RPRD1B: variants seen among roughly 807,000 people sequenced by gnomAD.
The protein encoded by RPRD1B is regulation of nuclear pre-mRNA domain containing 1B.
In RPRD1B, 11 loss-of-function variants were observed where a neutral mutation model predicts 41.5. The observed-to-expected ratio is 0.27, with a 90% CI of 0.17 to 0.44. The LOEUF (loss-of-function observed/expected upper bound fraction) is 0.44. RPRD1B is among the 20% of genes least tolerant of loss of function. The pLI is 1.00. For missense variants in RPRD1B, 248 were observed against 389.9 expected (o/e 0.64, Z 3.06); for synonymous variants, 158 against 155.6 (o/e 1.02, Z -0.12).
At chr20:38,066,392 A>G in intron 6 of RPRD1B, 136 bp downstream of exon 6, 1 of 829,230 alleles carries the variant, frequency 1.2e-6, no homozygotes, top group Non-Finnish European at 1.8e-6. Context: ...AACATCCATC[A>G]GATACTGTAA....
In RPRD1B at chr20:38,091,922, CTT is replaced by C. The variant is rs2074615185; in HGVS notation, c.*2048_*2049del. On this transcript the variant is annotated 3_prime_UTR_variant, in exon 7 of 7. Coordinates refer to ENST00000373433, the MANE Select transcript of RPRD1B (RefSeq NM_021215.4). ...ATTATGTAAATGAATGTGTTGGCCT[CTT>C]AATACCTGTTACTAGTGGACTTCCT... The C allele has an allele frequency of 6.1e-6, 6 of 985,746 alleles. No homozygotes were observed. Among genetic ancestry groups the C allele is most frequent in the Non-Finnish European group, 7.2e-6 (6 of 829,936 alleles). The allele number at this position is 985,746 out of a possible 1,614,324, so 61.1% of individuals were successfully genotyped here. A position where few individuals can be genotyped will look rare whatever the true frequency, so the allele number is the denominator to read the frequency against.
intron 6 of RPRD1B, among the ~76,000 whole-genome samples, chr20:38,069,683 AG>A (rs2074392638): frequency 6.6e-6 from 1 of 152,222 alleles, no homozygotes; most frequent in African/African-American, 2.4e-5. Context: ...TGCTCTAGTC[AG>A]GGGGAAATAG....
intron 6 of RPRD1B, among the ~76,000 whole-genome samples, chr20:38,067,211 G>A (rs1198623835): frequency 1.3e-5 from 2 of 152,168 alleles, no homozygotes; most frequent in African/African-American, 4.8e-5. Context: ...CTCAGTACTT[G>A]CTCCCGTGGG....
chr20:38,059,652 G>C, intron 5 of RPRD1B, 132 bp downstream of exon 5: 2 of 830,618 alleles, frequency 2.4e-6, no homozygotes, highest in Non-Finnish European at 3.5e-6. Context: ...ACCATCTTGG[G>C]ATTTGCAAAC....
chr20:38,089,231 A>G (rs1295039104), intron 6 of RPRD1B, among the ~76,000 whole-genome samples: 1 of 152,154 alleles, frequency 6.6e-6, no homozygotes, highest in African/African-American at 2.4e-5. Context: ...GGTCACAGGG[A>G]GTAGCAGTGG....
At chr20:38,039,945 G>A (rs772395084) in intron 1 of RPRD1B, among the ~76,000 whole-genome samples, 4 of 151,926 alleles carry the variant, frequency 2.6e-5, no homozygotes, top group Admixed American at 6.6e-5. Flanking sequence ...TGTTGGCCAG[G>A]CTGGTCTCAA....
chr20:38,090,719 T>G lies in RPRD1B; in HGVS notation c.*844T>G. Reference sequence around the variant, plus strand: ...GCAGGCATTGGTGGGCTCCAAAAGATGAAGGCCCCACACACAGGTGTGCTG... The same window carrying G: ...GCAGGCATTGGTGGGCTCCAAAAGAGGAAGGCCCCACACACAGGTGTGCTG... On this transcript the variant is annotated 3_prime_UTR_variant, in exon 7 of 7. Coordinates refer to ENST00000373433, the MANE Select transcript of RPRD1B (RefSeq NM_021215.4). The G allele has an allele frequency of 1.0e-6, 1 of 985,530 alleles. No individual in the cohort carries two copies. Among genetic ancestry groups the G allele is most frequent in the Non-Finnish European group, 1.2e-6 (1 of 829,984 alleles). 61.0% of individuals were successfully genotyped at this position (985,530 alleles called of 1,614,324 possible). A position where few individuals can be genotyped will look rare whatever the true frequency, so the allele number is the denominator to read the frequency against.
In RPRD1B at chr20:38,091,004, A is replaced by C; in HGVS notation, c.*1129A>C. On this transcript the variant is annotated 3_prime_UTR_variant, in exon 7 of 7. Transcript: ENST00000373433. ...GGGGAAGCGGGGAGTTGGGGATATT[A>C]ATTGGGGGTTTTAATTCTATTATCA... is the stretch of plus-strand genomic sequence containing the variant. 2.0e-6 allele frequency: 2 copies of C among 985,566 alleles called. No individual in the cohort carries two copies. The highest frequency in any genetic ancestry group is 2.4e-6 in the Non-Finnish European group (2 of 829,908). 61.1% of individuals were successfully genotyped at this position (985,566 alleles called of 1,614,324 possible).
chr20:38,089,982 G>T lies in RPRD1B; in HGVS notation c.*107G>T. The T allele has an allele frequency of 6.7e-7, 1 of 1,491,674 alleles. No individual in the cohort carries two copies. Among genetic ancestry groups the T allele is most frequent in the South Asian group, 1.4e-5 (1 of 71,666 alleles). The allele number at this position is 1,491,674 out of a possible 1,614,324, so 92.4% of individuals were successfully genotyped here. A position where few individuals can be genotyped will look rare whatever the true frequency, so the allele number is the denominator to read the frequency against. On this transcript the variant is annotated 3_prime_UTR_variant, in exon 7 of 7. Coordinates refer to ENST00000373433, the MANE Select transcript of RPRD1B (RefSeq NM_021215.4). ...CTGGTTCTATCCCTTCTTCCGCCCA[G>T]CCCCCCAGCCTCAAGAAAGAACCTC...
chr20:38,044,911 C>T (rs1568644801), intron 2 of RPRD1B, among the ~76,000 whole-genome samples: 1 of 151,886 alleles, frequency 6.6e-6, no homozygotes, highest in African/African-American at 2.4e-5. Flanking sequence ...CATAGGCCTG[C>T]TGTGCATGAG....
At position 38,059,269 on chromosome 20, in the gene RPRD1B, G is replaced by GT. The variant is rs567431013; in HGVS notation, c.529-117dup. 647 of 1,033,100 alleles carry GT rather than the reference G, an allele frequency of 6.3e-4. 8 individuals are homozygous for GT. In the South Asian group the frequency reaches 9.1e-3, roughly 15 times the overall value. 64.0% of individuals were successfully genotyped at this position (1,033,100 alleles called of 1,614,324 possible). ...CATGTAAGCTCTGGGGCTAAGAACA[G>GT]TTTTTTTTAAGAAATGGCAGGAATG... On this transcript the variant is annotated intron_variant, in intron 4 of 6. Coordinates refer to ENST00000373433, the MANE Select transcript of RPRD1B (RefSeq NM_021215.4).
intron 6 of RPRD1B, among the ~76,000 whole-genome samples, chr20:38,071,720 C>T (rs977135102): frequency 8.5e-5 from 13 of 152,150 alleles, no homozygotes; most frequent in Non-Finnish European, 1.2e-4. Context: ...TCTTTATTTT[C>T]GACAACCTAC....
chr20:38,070,171 T>C (rs2074397614), intron 6 of RPRD1B: 1 of 983,864 alleles, frequency 1.0e-6, no homozygotes, highest in African/African-American at 1.7e-5. Flanking sequence ...GAATTATGCT[T>C]TATTCTGAGA....
intron 6 of RPRD1B, among the ~76,000 whole-genome samples, chr20:38,081,566 T>A (rs141911040): frequency 1.2e-3 from 179 of 152,298 alleles, no homozygotes; most frequent in African/African-American, 4.2e-3. Flanking sequence ...TTGATTGCTC[T>A]GGCTAGGACT....
intron 5 of RPRD1B, among the ~76,000 whole-genome samples, chr20:38,063,693 A>G (rs1292504686): frequency 6.6e-6 from 1 of 152,158 alleles, no homozygotes; most frequent in East Asian, 1.9e-4. Flanking sequence ...ACGGCTGCAG[A>G]AGTTTAGTCT....
intron 3 of RPRD1B, among the ~76,000 whole-genome samples, chr20:38,056,870 A>G (rs1183696947): frequency 6.6e-6 from 1 of 152,350 alleles, no homozygotes; most frequent in Non-Finnish European, 1.5e-5. Flanking sequence ...TGATGCAAAA[A>G]GAATGATTTT....
intron 1 of RPRD1B, among the ~76,000 whole-genome samples, chr20:38,035,098 A>T (rs1455306096): frequency 6.6e-6 from 1 of 152,202 alleles, no homozygotes; most frequent in Non-Finnish European, 1.5e-5. Context: ...GTGAGGAGTA[A>T]ACGGGATAAT....
Position 38,033,952 on chromosome 20 carries a change from C to T in RPRD1B, c.5C>T (p.Ser2Phe), listed in dbSNP as rs569603967. 9 of 1,610,218 alleles carry T rather than the reference C, an allele frequency of 5.6e-6. No individual in the cohort carries two copies. The highest frequency in any genetic ancestry group is 1.7e-5 in the Admixed American group (1 of 59,658). ...CCGGGCCTCACTGCCGCCACCATGT[C>T]CTCCTTCTCTGAGTCGGCGCTGGAG... M[S>F]SFSESALEKK... Residue 2 changes from serine (S) to phenylalanine (F), a missense_variant, in exon 1 of 7, where the codon TCC becomes TTC. Ser to Phe is a radical substitution (Grantham distance 155, BLOSUM62 -2). Around this residue, in one of 5 missense-constraint regions of RPRD1B, gnomAD observed 14 missense variants for 19.9 expected, o/e 0.70. Transcript: ENST00000373433.
chr20:38,063,861 A>T (rs2074326420), intron 5 of RPRD1B, among the ~76,000 whole-genome samples: 1 of 152,316 alleles, frequency 6.6e-6, no homozygotes, highest in Admixed American at 6.5e-5. Context: ...TTCACTGCGT[A>T]TTTGTATAAC....
Sources: allele counts gnomAD v4.1 joint callset (sites outside exome capture counted in the v4.1 genomes callset), GRCh38; gene constraint gnomAD v4.1.1; regional missense constraint gnomAD v4.1.1; transcripts MANE v1.5; gene names NCBI Gene and HGNC (gene_info 2026-07-23, HGNC 2026-07-21).